The following PCED1B variants were observed in gnomAD, a reference collection of about 807,000 sequenced individuals.
PCED1B encodes the protein PC-esterase domain-containing protein 1B.
For synonymous variants in PCED1B, 251 were observed against 246.1 expected (o/e 1.02, Z -0.19); for missense variants, 573 against 573.9 (o/e 1.00, Z 0.02).
intron 3 of PCED1B, among the ~76,000 whole-genome samples, chr12:47,218,796 C>G (rs1030806850): frequency 1.3e-5 from 2 of 151,260 alleles, no homozygotes; most frequent in African/African-American, 4.9e-5. Flanking sequence ...GTGAGCCACT[C>G]TACCTGGCTG....
intron 2 of PCED1B, among the ~76,000 whole-genome samples, chr12:47,215,280 T>C (rs1943219273): frequency 6.9e-6 from 1 of 145,950 alleles, no homozygotes. Context: ...AAAGATGGAG[T>C]CTTGCTCTTG....
chr12:47,156,571 CA>C (rs556877730), intron 2 of PCED1B, among the ~76,000 whole-genome samples: 89 of 152,090 alleles, frequency 5.9e-4, no homozygotes, highest in African/African-American at 1.7e-3. Context: ...TCAGGGCACA[CA>C]GGGCTGCTTC....
intron 2 of PCED1B, among the ~76,000 whole-genome samples, chr12:47,139,659 G>C (rs976572161): frequency 1.3e-5 from 2 of 152,092 alleles, no homozygotes; most frequent in African/African-American, 2.4e-5. Context: ...GTGTGGTATG[G>C]TATGTGTAGT....
chr12:47,081,284 G>A (rs1470537468), intron 1 of PCED1B, among the ~76,000 whole-genome samples: 1 of 151,958 alleles, frequency 6.6e-6, no homozygotes, highest in African/African-American at 2.4e-5. Context: ...AAAATGATGA[G>A]GACAACCAAC....
intron 2 of PCED1B, among the ~76,000 whole-genome samples, chr12:47,193,371 T>A (rs1942505207): frequency 6.6e-6 from 1 of 152,174 alleles, no homozygotes; most frequent in South Asian, 2.1e-4. Context: ...GAACCATTCT[T>A]TATAATAATT....
chr12:47,191,186 A>G (rs151174095), intron 2 of PCED1B, among the ~76,000 whole-genome samples: 28 of 152,278 alleles, frequency 1.8e-4, no homozygotes, highest in African/African-American at 6.7e-4. Flanking sequence ...CACCTTCCCA[A>G]CAGACACACA....
intron 2 of PCED1B, among the ~76,000 whole-genome samples, chr12:47,151,673 T>C (rs11183760): frequency 0.22 from 33,786 of 152,174 alleles, 4,722 homozygotes; most frequent in Non-Finnish European, 0.31. Context: ...GCTGATGGTG[T>C]AAATTCCAGT....
intron 2 of PCED1B, among the ~76,000 whole-genome samples, chr12:47,127,445 T>C (rs932322249): frequency 2.6e-5 from 4 of 151,106 alleles, no homozygotes; most frequent in African/African-American, 9.8e-5. Flanking sequence ...CTTGGCTCAG[T>C]GCAACCTCTG....
At chr12:47,121,675 A>G (rs1939683950) in intron 2 of PCED1B, among the ~76,000 whole-genome samples, 1 of 152,170 alleles carries the variant, frequency 6.6e-6, no homozygotes, top group Non-Finnish European at 1.5e-5. Flanking sequence ...GGAGTAGTAG[A>G]GAAGTAATTA....
intron 1 of PCED1B, among the ~76,000 whole-genome samples, chr12:47,099,165 G>C (rs1938599441): frequency 6.6e-6 from 1 of 152,172 alleles, no homozygotes; most frequent in Admixed American, 6.5e-5. Flanking sequence ...TACTGAGTTT[G>C]CTGACTTTTC....
At chr12:47,101,597 A>G (rs118135602) in intron 1 of PCED1B, among the ~76,000 whole-genome samples, 1,690 of 152,198 alleles carry the variant, frequency 0.011, 14 homozygotes, top group Non-Finnish European at 0.017. Context: ...TTCTGACTAT[A>G]TGGAGATTAT....
At chr12:47,197,858 T>C (rs887802862) in intron 2 of PCED1B, among the ~76,000 whole-genome samples, 27 of 151,988 alleles carry the variant, frequency 1.8e-4, no homozygotes, top group African/African-American at 6.3e-4. Flanking sequence ...AAATAGATAA[T>C]CTGAATTAGC....
chr12:47,231,496 G>T (rs1457727117), intron 3 of PCED1B, among the ~76,000 whole-genome samples: 2 of 152,048 alleles, frequency 1.3e-5, no homozygotes, highest in African/African-American at 2.4e-5. Flanking sequence ...TGGAAACAAG[G>T]GTTATCTTCT....
chr12:47,103,467 G>A (rs1306600616), intron 1 of PCED1B, among the ~76,000 whole-genome samples: 1 of 152,220 alleles, frequency 6.6e-6, no homozygotes, highest in Non-Finnish European at 1.5e-5. Flanking sequence ...TTGCACAACA[G>A]TAGTAATTCG....
At chr12:47,203,662 C>T (rs945311777) in intron 2 of PCED1B, among the ~76,000 whole-genome samples, 6 of 152,204 alleles carry the variant, frequency 3.9e-5, no homozygotes, top group Non-Finnish European at 7.3e-5. Flanking sequence ...TTTATGGCTG[C>T]ATAGTATTCT....
chr12:47,161,750 A>G (rs1256302493), intron 2 of PCED1B, among the ~76,000 whole-genome samples: 2 of 152,250 alleles, frequency 1.3e-5, no homozygotes, highest in Admixed American at 6.5e-5. Flanking sequence ...TGACCCAGCC[A>G]TCCCATTACT....
chr12:47,157,164 C>T (rs1008690865), intron 2 of PCED1B, among the ~76,000 whole-genome samples: 11 of 152,002 alleles, frequency 7.2e-5, no homozygotes, highest in African/African-American at 2.7e-4. Flanking sequence ...ATGGGTTTCT[C>T]TATATAATTT....
At chr12:47,177,478 A>G (rs1941960064) in intron 2 of PCED1B, among the ~76,000 whole-genome samples, 2 of 152,084 alleles carry the variant, frequency 1.3e-5, no homozygotes, top group South Asian at 4.1e-4. Flanking sequence ...GTAACCTTTG[A>G]TGTACTTGGA....
At chr12:47,100,838 G>A (rs1055567306) in intron 1 of PCED1B, among the ~76,000 whole-genome samples, 2 of 152,090 alleles carry the variant, frequency 1.3e-5, no homozygotes, top group African/African-American at 4.8e-5. Context: ...GAGGCCGAGG[G>A]GGGCAGATCA....
Sources: gnomAD v4.1 joint callset for allele counts (sites outside exome capture counted in the v4.1 genomes callset) on GRCh38, gnomAD v4.1.1 for gene constraint, MANE v1.5 for transcripts, NCBI Gene and HGNC (gene_info 2026-07-23, HGNC 2026-07-21) for gene names.